Variants in NELL1 observed in about 807,000 individuals in gnomAD.
The protein encoded by NELL1 is protein kinase C-binding protein NELL1.
Under a neutral mutation model 107.4 loss-of-function variants are expected in NELL1, and 76 were observed. The ratio of observed to expected loss-of-function variants is 0.71; its 90% confidence interval spans 0.59 to 0.86. The LOEUF (loss-of-function observed/expected upper bound fraction) is 0.86. Ranked by LOEUF, NELL1 falls within the 40% of genes least tolerant of loss-of-function variation. NELL1 has a pLI of 0.00. For synonymous variants in NELL1, 353 were observed against 341.2 expected, an observed-to-expected ratio of 1.03 and a Z score of -0.38; for missense variants, 1,024 against 1,005.5, an observed-to-expected ratio of 1.02 and a Z score of -0.25.
At chr11:21,337,711 C>T (rs113289693) in intron 14 of NELL1, among the ~76,000 whole-genome samples, 139 of 151,966 alleles carry the variant, frequency 9.1e-4, no homozygotes, top group Admixed American at 3.1e-3. Flanking sequence ...TTCCCTTTCC[C>T]GCTTTTCATT....
At chr11:21,554,141 G>T (rs1243859813) in intron 16 of NELL1, among the ~76,000 whole-genome samples, 2 of 151,770 alleles carry the variant, frequency 1.3e-5, no homozygotes, top group East Asian at 3.9e-4. Flanking sequence ...GAACTGTATT[G>T]ATTTTAAGCA....
At chr11:21,475,509 G>A (rs1198733616) in intron 15 of NELL1, among the ~76,000 whole-genome samples, 1 of 152,176 alleles carries the variant, frequency 6.6e-6, no homozygotes, top group Non-Finnish European at 1.5e-5. Context: ...TCCCCTATGA[G>A]TGAACAAGAT....
intron 13 of NELL1, among the ~76,000 whole-genome samples, chr11:21,115,897 G>A (rs1268694856): frequency 4.6e-5 from 7 of 151,926 alleles, no homozygotes; most frequent in African/African-American, 1.7e-4. Flanking sequence ...GATTTTCATA[G>A]GTCACAAAAT....
chr11:20,938,751 C>A (rs1013373559), intron 10 of NELL1, among the ~76,000 whole-genome samples: 1 of 152,048 alleles, frequency 6.6e-6, no homozygotes, highest in African/African-American at 2.4e-5. Context: ...TACTTAGGGA[C>A]CTGCAAATAA....
At chr11:21,183,965 A>G (rs1254637029) in intron 13 of NELL1, among the ~76,000 whole-genome samples, 1 of 151,744 alleles carries the variant, frequency 6.6e-6, no homozygotes, top group Non-Finnish European at 1.5e-5. Flanking sequence ...TGGAAAGAAT[A>G]AATTTGCCTG....
intron 12 of NELL1, among the ~76,000 whole-genome samples, chr11:21,089,862 A>G (rs1854481834): frequency 1.3e-5 from 2 of 152,250 alleles, no homozygotes; most frequent in African/African-American, 4.8e-5. Context: ...AATCTTAGGG[A>G]TGGAGGACTT....
At chr11:21,381,253 T>G (rs538117490) in intron 15 of NELL1, among the ~76,000 whole-genome samples, 1 of 152,110 alleles carries the variant, frequency 6.6e-6, no homozygotes, top group Admixed American at 6.6e-5. Flanking sequence ...TTTTACATAT[T>G]CCTTTCAACA....
Position 20,989,936 on chromosome 11 carries a change from G to A in NELL1, c.1300+29376G>A, listed in dbSNP as rs193148315. Among the ~76,000 whole-genome samples the A allele has an allele frequency of 2.1e-3, 318 of 151,282 alleles. 3 individuals are homozygous for A. The highest frequency in any genetic ancestry group is 7.0e-3 in the African/African-American group (287 of 41,206). ...GGCATGAACCCGGGAGGCAGAGCTT[G>A]CAGTGAGCCGAGATCGCGCCACTGC... On this transcript the variant is annotated intron_variant, in intron 12 of 19. Coordinates refer to ENST00000357134, the MANE Select transcript of NELL1 (RefSeq NM_006157.5).
At chr11:21,128,178 G>A (rs932148174) in intron 13 of NELL1, among the ~76,000 whole-genome samples, 9 of 152,214 alleles carry the variant, frequency 5.9e-5, no homozygotes, top group East Asian at 1.9e-4. Flanking sequence ...AATAAATATC[G>A]TGATGTTTTA....
chr11:21,077,720 G>A (rs376391837), intron 12 of NELL1, among the ~76,000 whole-genome samples: 64 of 150,676 alleles, frequency 4.2e-4, no homozygotes, highest in African/African-American at 1.3e-3. Context: ...TTCAGCCTGG[G>A]CGACAGAGTG....
intron 15 of NELL1, among the ~76,000 whole-genome samples, chr11:21,459,228 A>G (rs150008433): frequency 6.6e-5 from 10 of 152,022 alleles, no homozygotes; most frequent in African/African-American, 1.9e-4. Context: ...TGAGGGTCTT[A>G]TTAACATTAC....
At chr11:21,131,344 G>C (rs1855612249) in intron 13 of NELL1, among the ~76,000 whole-genome samples, 1 of 152,106 alleles carries the variant, frequency 6.6e-6, no homozygotes, top group Admixed American at 6.6e-5. Context: ...CATTCACCAT[G>C]AATGCTGAAT....
chr11:20,928,412 C>T lies in NELL1; in HGVS notation c.930C>T (p.Pro310=), dbSNP rs1850546640. ...GAVECRRMSC[P]PLNCSPDSLP... is the part of the protein sequence containing the mutation. ...TGGAATGCCGAAGGATGTCCTGTCC[C>T]CCTCTCAATTGCTCCCCAGACTCCC... The change falls in exon 9 of 20, where the codon CCC becomes CCT. Residue 310 remains proline (P), a synonymous_variant. Coordinates refer to ENST00000357134, the MANE Select transcript of NELL1 (RefSeq NM_006157.5). 6.2e-7 allele frequency: 1 copy of T among 1,613,930 alleles called. No homozygotes were observed. The highest frequency in any genetic ancestry group is 8.5e-7 in the Non-Finnish European group (1 of 1,179,976).
chr11:20,827,219 G>A (rs959529979), intron 3 of NELL1, among the ~76,000 whole-genome samples: 1 of 151,232 alleles, frequency 6.6e-6, no homozygotes, highest in Non-Finnish European at 1.5e-5. Context: ...GATTGGAAGA[G>A]CCTGAGTGAC....
chr11:20,788,300 C>T (rs1404056905), intron 3 of NELL1, among the ~76,000 whole-genome samples: 2 of 152,230 alleles, frequency 1.3e-5, no homozygotes, highest in African/African-American at 2.4e-5. Flanking sequence ...AGTGACTACA[C>T]TGTTTTACAT....
intron 15 of NELL1, among the ~76,000 whole-genome samples, chr11:21,449,938 G>A (rs1012012858): frequency 1.1e-4 from 17 of 152,170 alleles, no homozygotes; most frequent in Admixed American, 2.6e-4. Context: ...TACCACATGA[G>A]TGTATCACAG....
chr11:21,259,615 G>A (rs969359009), intron 14 of NELL1, among the ~76,000 whole-genome samples: 1 of 151,744 alleles, frequency 6.6e-6, no homozygotes, highest in African/African-American at 2.4e-5. Flanking sequence ...AAGAATTTTG[G>A]ACCTAAATCC....
chr11:21,523,867 T>C (rs1199706310), intron 15 of NELL1, among the ~76,000 whole-genome samples: 2 of 152,102 alleles, frequency 1.3e-5, no homozygotes, highest in African/African-American at 4.8e-5. Flanking sequence ...TCCAGTATCT[T>C]GAAAACTTTT....
intron 12 of NELL1, among the ~76,000 whole-genome samples, chr11:21,068,585 C>T (rs545208756): frequency 3.3e-5 from 5 of 152,348 alleles, no homozygotes; most frequent in African/African-American, 1.2e-4. Context: ...CACACATACA[C>T]ACTGAAAACA....
Sources: gnomAD v4.1 joint callset for allele counts (sites outside exome capture counted in the v4.1 genomes callset) on GRCh38, gnomAD v4.1.1 for gene constraint, MANE v1.5 for transcripts, NCBI Gene and HGNC (gene_info 2026-07-23, HGNC 2026-07-21) for gene names.